MID1: variants seen among roughly 807,000 people sequenced by gnomAD.
The protein encoded by MID1 is E3 ubiquitin-protein ligase Midline-1.
In MID1, 7 loss-of-function variants were observed where a neutral mutation model predicts 40.4. The ratio of observed to expected loss-of-function variants is 0.17; its 90% CI spans 0.10 to 0.33. The LOEUF is 0.33. MID1 is among the 10% of genes least tolerant of loss of function. The pLI is 1.00. For synonymous variants in MID1, 229 were observed against 221.2 expected (o/e 1.04, Z -0.31); for missense variants, 367 against 558.5 (o/e 0.66, Z 3.46).
In MID1 at chrX:10,759,854, T is replaced by G. The variant is rs775451801; in HGVS notation, c.-187+73700A>C. On this transcript the variant is annotated intron_variant, in intron 1 of 10. Coordinates refer to the MID1 transcript ENST00000380785. ...CAATTTACAAACAGATACAAAAAAT[T>G]TTCTAAGCGAGTGAATTCAGTTGCT... Among the ~76,000 whole-genome samples the G allele has an allele frequency of 8.9e-5, 10 of 111,795 alleles. No homozygotes were observed. In the East Asian group the frequency reaches 2.8e-3, roughly 32 times the overall value.
chrX:10,663,326 A>T (rs775514307), intron 1 of MID1, among the ~76,000 whole-genome samples: 61 of 110,548 alleles, frequency 5.5e-4, no homozygotes, highest in African/African-American at 2.0e-3. Flanking sequence ...GCAACCACTA[A>T]TTGACTTTCT....
At chrX:10,729,132 G>A (rs973889769) in intron 1 of MID1, among the ~76,000 whole-genome samples, 3 of 111,701 alleles carry the variant, frequency 2.7e-5, no homozygotes, top group African/African-American at 6.5e-5. Context: ...TCTGTCATCC[G>A]TGCTCACTCA....
intron 1 of MID1, among the ~76,000 whole-genome samples, chrX:10,638,329 C>T (rs1366702621): frequency 2.7e-5 from 3 of 112,284 alleles, no homozygotes; most frequent in Admixed American, 1.9e-4. Context: ...TTTCCAATGG[C>T]CTTAGCAAAC....
intron 2 of MID1, among the ~76,000 whole-genome samples, chrX:10,547,510 T>G (rs1476697624): frequency 1.1e-5 from 1 of 92,423 alleles, no homozygotes; most frequent in African/African-American, 4.3e-5. Flanking sequence ...AAGCAGAGGT[T>G]GCGGTGAGCC....
chrX:10,502,828 G>A (rs774485133), intron 3 of MID1, among the ~76,000 whole-genome samples: 1 of 111,961 alleles, frequency 8.9e-6, no homozygotes, highest in Non-Finnish European at 1.9e-5. Context: ...ATGATGCTAG[G>A]TTGATGTTCT....
At chrX:10,468,267 A>G (rs1293047838) in intron 7 of MID1, among the ~76,000 whole-genome samples, 1 of 111,464 alleles carries the variant, frequency 9.0e-6, no homozygotes, top group African/African-American at 3.3e-5. Context: ...GAGTGGATAT[A>G]AGGAAGGTAG....
chrX:10,737,187 C>T (rs1234726118), intron 1 of MID1, among the ~76,000 whole-genome samples: 2 of 112,140 alleles, frequency 1.8e-5, no homozygotes, highest in African/African-American at 6.5e-5. Context: ...TACTTTGACC[C>T]CTTCAAAAAT....
chrX:10,712,750 T>C (rs1301132300), intron 1 of MID1, among the ~76,000 whole-genome samples: 1 of 111,960 alleles, frequency 8.9e-6, no homozygotes, highest in African/African-American at 3.2e-5. Context: ...TTGTTAGAAA[T>C]ACAGATTCTG....
At chrX:10,632,048 G>A (rs148877489) in intron 1 of MID1, among the ~76,000 whole-genome samples, 1,181 of 111,543 alleles carry the variant, frequency 0.011, 23 homozygotes, top group African/African-American at 0.036. Flanking sequence ...CTTGCTGAGC[G>A]TCTGCACCTT....
intron 4 of MID1, among the ~76,000 whole-genome samples, chrX:10,488,552 T>C (rs1930750034): frequency 8.9e-6 from 1 of 112,047 alleles, no homozygotes; most frequent in Admixed American, 9.4e-5. Context: ...CATTAATGAC[T>C]AATGATACTG....
chrX:10,627,971 C>T (rs1285877007), intron 1 of MID1, among the ~76,000 whole-genome samples: 1 of 111,581 alleles, frequency 9.0e-6, no homozygotes, highest in Non-Finnish European at 1.9e-5. Context: ...GGTGAAAATC[C>T]TCTCCCACTT....
chrX:10,797,637 G>C (rs931216999), intron 1 of MID1, among the ~76,000 whole-genome samples: 2 of 111,413 alleles, frequency 1.8e-5, no homozygotes, highest in African/African-American at 6.5e-5. Flanking sequence ...AGGTCACAGA[G>C]AATGGAACTA....
At chrX:10,661,636 TA>T (rs1351751207) in intron 1 of MID1, among the ~76,000 whole-genome samples, 1 of 111,602 alleles carries the variant, frequency 9.0e-6, no homozygotes, top group African/African-American at 3.3e-5. Context: ...TATTTCATAA[TA>T]AAAAAAGTTA....
chrX:10,525,457 A>G (rs894428186), intron 2 of MID1, among the ~76,000 whole-genome samples: 2 of 112,006 alleles, frequency 1.8e-5, no homozygotes, highest in African/African-American at 6.5e-5. Context: ...ACTTATTCTT[A>G]AGCTCTTTTG....
intron 1 of MID1, among the ~76,000 whole-genome samples, chrX:10,772,449 AT>A (rs1421676236): frequency 9.1e-6 from 1 of 110,249 alleles, no homozygotes; most frequent in Non-Finnish European, 1.9e-5. Flanking sequence ...AAGACTACAA[AT>A]TGGGTGCAGG....
intron 1 of MID1, among the ~76,000 whole-genome samples, chrX:10,580,120 A>G (rs1052413257): frequency 1.8e-5 from 2 of 109,640 alleles, no homozygotes; most frequent in African/African-American, 6.6e-5. Context: ...ACATACACAC[A>G]CACACACACA....
chrX:10,642,129 C>T (rs1235592680), intron 1 of MID1, among the ~76,000 whole-genome samples: 1 of 111,926 alleles, frequency 8.9e-6, no homozygotes, highest in Non-Finnish European at 1.9e-5. Flanking sequence ...CCCTCTCTCA[C>T]CACTCCTATT....
intron 1 of MID1, among the ~76,000 whole-genome samples, chrX:10,814,616 T>C (rs1225073695): frequency 1.8e-5 from 2 of 110,079 alleles, no homozygotes; most frequent in Non-Finnish European, 3.8e-5. Context: ...TGTGCATAAG[T>C]GTGTGTGTGC....
At chrX:10,464,433 A>C (rs745841833) in intron 7 of MID1, among the ~76,000 whole-genome samples, 28 of 112,216 alleles carry the variant, frequency 2.5e-4, no homozygotes, top group Middle Eastern at 4.6e-3. Flanking sequence ...TCTGGTATTG[A>C]GTTAGGGCCT....
Sources: allele counts gnomAD v4.1 joint callset (sites outside exome capture counted in the v4.1 genomes callset), GRCh38; gene constraint gnomAD v4.1.1; transcripts MANE v1.5; gene names NCBI Gene and HGNC (gene_info 2026-07-23, HGNC 2026-07-21).